DENND4A: variants seen among roughly 807,000 people sequenced by gnomAD.
DENND4A encodes DENN domain containing 4A, also known as C-myc promoter-binding protein.
DENND4A carries 70 observed loss-of-function variants against 199.3 expected under a neutral mutation model. That is an observed-to-expected ratio of 0.35 (90% CI 0.29 to 0.43). The LOEUF is 0.43. DENND4A is among the 20% of genes least tolerant of loss of function. The probability of loss-of-function intolerance (pLI) is 1.00; values close to 1 mark genes in which losing one functional copy is unlikely to be tolerated. For synonymous variants in DENND4A, 686 were observed against 766.9 expected (o/e 0.89, Z 1.74); for missense variants, 1,723 against 2,255.8 (o/e 0.76, Z 4.78).
intron 1 of DENND4A, among the ~76,000 whole-genome samples, chr15:65,781,215 G>T (rs547053732): frequency 6.6e-6 from 1 of 152,160 alleles, no homozygotes; most frequent in Non-Finnish European, 1.5e-5. Flanking sequence ...AGTTGGAGTG[G>T]AAAGTAGAAA....
At chr15:65,712,294 A>C (rs1476187806) in intron 14 of DENND4A, among the ~76,000 whole-genome samples, 1 of 152,224 alleles carries the variant, frequency 6.6e-6, no homozygotes, top group Non-Finnish European at 1.5e-5. Flanking sequence ...TCATTCAAAA[A>C]TTGAACATTT....
intron 9 of DENND4A, among the ~76,000 whole-genome samples, chr15:65,730,285 A>T (rs1332176578): frequency 6.6e-6 from 1 of 152,182 alleles, no homozygotes; most frequent in African/African-American, 2.4e-5. Context: ...CAAAATACTG[A>T]ACTGACAAAG....
At chr15:65,726,980 T>G (rs1271827382) in intron 11 of DENND4A, among the ~76,000 whole-genome samples, 1 of 151,290 alleles carries the variant, frequency 6.6e-6, no homozygotes, top group Non-Finnish European at 1.5e-5. Flanking sequence ...AGTAAAAAAT[T>G]TTTTTCAAAA....
chr15:65,771,112 C>G (rs1457530815), intron 1 of DENND4A: 1 of 1,455,028 alleles, frequency 6.9e-7, no homozygotes, highest in East Asian at 2.3e-5. Flanking sequence ...CATGATGAAA[C>G]TAAACTTACT....
intron 15 of DENND4A, among the ~76,000 whole-genome samples, chr15:65,704,890 C>A (rs2074999949): frequency 6.6e-6 from 1 of 151,940 alleles, no homozygotes; most frequent in South Asian, 2.1e-4. Context: ...CCGCGTCTGG[C>A]CAAATTTTCT....
At chr15:65,779,173 A>C (rs2077367750) in intron 1 of DENND4A, among the ~76,000 whole-genome samples, 1 of 152,014 alleles carries the variant, frequency 6.6e-6, no homozygotes, top group African/African-American at 2.4e-5. Context: ...AGAAGGAAAA[A>C]GGCCAGGCGC....
chr15:65,716,156 G>A (rs2075391259), intron 13 of DENND4A, among the ~76,000 whole-genome samples: 1 of 151,944 alleles, frequency 6.6e-6, no homozygotes, highest in East Asian at 1.9e-4. Flanking sequence ...TCCAGTCTCA[G>A]GGACTGTGTA....
chr15:65,674,059 G>A (rs1465263520), intron 24 of DENND4A, among the ~76,000 whole-genome samples: 3 of 152,094 alleles, frequency 2.0e-5, no homozygotes, highest in Admixed American at 2.0e-4. Context: ...GAAAAAAAGA[G>A]GGAGAGGAAG....
At chr15:65,769,681 TATTG>T (rs1386215889) in intron 1 of DENND4A, among the ~76,000 whole-genome samples, 1 of 152,026 alleles carries the variant, frequency 6.6e-6, no homozygotes, top group Non-Finnish European at 1.5e-5. Context: ...TATGGTTTGG[TATTG>T]ATTTTCTTTT....
At chr15:65,675,562 A>C (rs1297254602) in intron 24 of DENND4A, among the ~76,000 whole-genome samples, 2 of 151,974 alleles carry the variant, frequency 1.3e-5, no homozygotes, top group Non-Finnish European at 2.9e-5. Context: ...TACTAAAAAC[A>C]TTAAAAAAAA....
At chr15:65,788,854 TAAAAAAAAAAA>T (rs34831088) in intron 1 of DENND4A, among the ~76,000 whole-genome samples, 14 of 102,380 alleles carry the variant, frequency 1.4e-4, no homozygotes, top group Non-Finnish European at 2.3e-4. Flanking sequence ...GGACTTGTCT[TAAAAAAAAAAA>T]AAAAAAAAAA....
At position 65,661,571 on chromosome 15, in the gene DENND4A, A is replaced by G; in HGVS notation, c.*280T>C. On this transcript the variant is annotated 3_prime_UTR_variant, in exon 33 of 33. Coordinates refer to ENST00000443035, the MANE Select transcript of DENND4A (RefSeq NM_001320835.1). ...TAAAGCAGTTGTCATATTTTATGGC[A>G]ACTAATTTTGTTTAGGGATTTCCTC... The G allele has an allele frequency of 8.4e-6, 2 of 239,102 alleles. No individual in the cohort carries two copies. The highest frequency in any genetic ancestry group is 1.6e-5 in the Non-Finnish European group (2 of 124,394). The allele number at this position is 239,102 out of a possible 1,614,324, so 14.8% of individuals were successfully genotyped here.
chr15:65,775,432 G>C (rs1200566656), intron 1 of DENND4A, among the ~76,000 whole-genome samples: 3 of 151,772 alleles, frequency 2.0e-5, no homozygotes, highest in Non-Finnish European at 4.4e-5. Context: ...CCTGAGGTTA[G>C]GAGTTCAAGA....
At chr15:65,743,994 G>A (rs1490629679) in intron 4 of DENND4A, among the ~76,000 whole-genome samples, 1 of 152,090 alleles carries the variant, frequency 6.6e-6, no homozygotes, top group South Asian at 2.1e-4. Context: ...CAGTTAAAAG[G>A]TCACTCTGAG....
chr15:65,733,571 CTGTT>C (rs1168117065), intron 7 of DENND4A, among the ~76,000 whole-genome samples: 11 of 152,202 alleles, frequency 7.2e-5, no homozygotes, highest in African/African-American at 2.4e-4. Flanking sequence ...TATGTTTTGA[CTGTT>C]TACTATATAA....
rs753367908 is a variant in DENND4A, at chr15:65,737,908, G to A, written c.839C>T (p.Ser280Phe). Residue 280 changes from serine (S) to phenylalanine (F), a missense_variant, in exon 7 of 33, where the codon TCT (serine) becomes TTT (phenylalanine). Ser to Phe is a radical substitution (Grantham distance 155, BLOSUM62 -2). Around this residue, in one of 6 missense-constraint regions of DENND4A, gnomAD observed 725 missense variants for 952.9 expected, o/e 0.76. Coordinates refer to ENST00000443035, the MANE Select transcript of DENND4A (RefSeq NM_001320835.1). ...CTGCTTTTCTGTGAGATTCTCCTCA[G>A]AGTATGGTTCATAAAACTGAATAGC... ...GAAIQFYEPY[S>F]EENLTEKQRL... is the part of the protein sequence containing the mutation. 1 of 1,599,664 alleles carries A rather than the reference G, an allele frequency of 6.3e-7. No homozygotes were observed. The highest frequency in any genetic ancestry group is 8.5e-7 in the Non-Finnish European group (1 of 1,172,348).
intron 12 of DENND4A, 82 bp downstream of exon 12, chr15:65,722,766 T>C: frequency 1.8e-6 from 2 of 1,094,584 alleles, no homozygotes; most frequent in East Asian, 3.0e-5. Context: ...TAGATAAACA[T>C]TATTCTTTTA....
At chr15:65,700,733 T>G in intron 19 of DENND4A, 58 bp from the exon 20 acceptor site, 2 of 1,439,716 alleles carry the variant, frequency 1.4e-6, no homozygotes, top group Non-Finnish European at 1.8e-6. Context: ...CACATTAATT[T>G]GTTGCTCAAG....
chr15:65,728,104 G>A (rs1033566079), intron 11 of DENND4A, among the ~76,000 whole-genome samples: 4 of 152,008 alleles, frequency 2.6e-5, no homozygotes, highest in Non-Finnish European at 4.4e-5. Flanking sequence ...CGCCTCCCGG[G>A]TTCAAGCGAT....
Sources: gnomAD v4.1 joint callset for allele counts (sites outside exome capture counted in the v4.1 genomes callset) on GRCh38, gnomAD v4.1.1 for gene constraint, gnomAD v4.1.1 regional missense constraint, MANE v1.5 for transcripts, NCBI Gene and HGNC (gene_info 2026-07-23, HGNC 2026-07-21) for gene names.